The following PI4KA variants were observed in gnomAD, a reference collection of about 807,000 sequenced individuals.
The protein encoded by PI4KA is phosphatidylinositol 4-kinase alpha.
Under a neutral mutation model 271.4 loss-of-function variants are expected in PI4KA, and 122 were observed. That is an observed-to-expected ratio of 0.45 (90% confidence interval 0.39 to 0.52). The LOEUF (loss-of-function observed/expected upper bound fraction) is 0.52. PI4KA is among the 20% of genes least tolerant of loss of function. The pLI is 0.00. For missense variants in PI4KA, 1,969 were observed against 2,769.1 expected, an observed-to-expected ratio of 0.71 and a Z score of 6.48; for synonymous variants, 1,041 against 1,078.8, an observed-to-expected ratio of 0.96 and a Z score of 0.69.
In PI4KA at chr22:20,763,832, T is replaced by C. The variant is rs542106104; in HGVS notation, c.2708+985A>G. 7.9e-5 allele frequency among the ~76,000 whole-genome samples: 12 copies of C among 152,262 alleles called. No homozygotes were observed. The East Asian group carries it at 2.1e-3, about 27-fold the overall frequency. On this transcript the variant is annotated intron_variant, in intron 22 of 54. Coordinates refer to ENST00000255882, the MANE Select transcript of PI4KA (RefSeq NM_058004.4). ...GAGAATGCGTCACTGATTTCCACATTTGGCTGTGTGTGGAGCCCCGGGCTG... is the reference window on the plus strand; with the variant it reads ...GAGAATGCGTCACTGATTTCCACATCTGGCTGTGTGTGGAGCCCCGGGCTG...
intron 19 of PI4KA, among the ~76,000 whole-genome samples, chr22:20,769,257 T>C (rs781077546): frequency 3.3e-5 from 5 of 152,184 alleles, no homozygotes; most frequent in Admixed American, 1.3e-4. Flanking sequence ...CTTGAGGACG[T>C]TGGCTTGAAA....
intron 22 of PI4KA, among the ~76,000 whole-genome samples, chr22:20,763,436 CTTTT>C (rs918780172): frequency 3.7e-4 from 55 of 148,678 alleles, no homozygotes; most frequent in African/African-American, 1.3e-3. Context: ...GTGCAATGTT[CTTTT>C]TTTCTTTTTT....
chr22:20,753,799 G>C (rs1372401820), intron 23 of PI4KA, among the ~76,000 whole-genome samples: 1 of 152,010 alleles, frequency 6.6e-6, no homozygotes, highest in African/African-American at 2.4e-5. Context: ...CCATTCTCCT[G>C]CCTCAGCCTC....
Position 20,747,744 on chromosome 22 carries a change from A to AT in PI4KA, c.3244-43dup, listed in dbSNP as rs767356874. 6.9e-6 allele frequency: 11 copies of AT among 1,596,046 alleles called. No homozygotes were observed. The East Asian group carries it at 1.8e-4, about 26-fold the overall frequency. On this transcript the variant is annotated intron_variant, in intron 28 of 54. Transcript: ENST00000255882. ...ACATGGGGTTTCAGTTATTTATCTG[A>AT]TTTTTTTAGAGGCAGGGTCTCGCTC... is the stretch of plus-strand genomic sequence containing the variant.
chr22:20,851,665 C>T (rs1926996112), intron 1 of PI4KA, among the ~76,000 whole-genome samples: 2 of 152,088 alleles, frequency 1.3e-5, no homozygotes, highest in Non-Finnish European at 2.9e-5. Flanking sequence ...TCCAGGCTTC[C>T]AGATAAGCTT....
intron 19 of PI4KA, among the ~76,000 whole-genome samples, chr22:20,770,439 G>A (rs1410181369): frequency 6.7e-6 from 1 of 150,190 alleles, no homozygotes; most frequent in Non-Finnish European, 1.5e-5. Flanking sequence ...CTTGAACCCA[G>A]GAGGCAGAGG....
Position 20,779,544 on chromosome 22 carries a change from G to A in PI4KA, c.2328+13649C>T, listed in dbSNP as rs567081979. ...GATTCCAGAGGGGGAGGAGGACGAC[G>A]ACTATCTGGACCTGGAGAAGATATT... On this transcript the variant is annotated intron_variant, in intron 19 of 54. Transcript: ENST00000255882. 23 of 1,614,036 alleles carry A rather than the reference G, an allele frequency of 1.4e-5. No individual in the cohort carries two copies. In the South Asian group the frequency reaches 1.8e-4, roughly 12 times the overall value.
chr22:20,834,725 A>G, intron 2 of PI4KA, 70 bp from the exon 3 acceptor site: 1 of 955,734 alleles, frequency 1.0e-6, no homozygotes, highest in Non-Finnish European at 1.7e-6. Flanking sequence ...TTTAGCCCAG[A>G]TTAAGCCCAA....
At chr22:20,783,864 G>A (rs1933991445) in intron 19 of PI4KA, 1 of 1,475,090 alleles carries the variant, frequency 6.8e-7, no homozygotes, top group Non-Finnish European at 9.5e-7. Context: ...GGTCGGCTCT[G>A]CAGGCTATCT....
At chr22:20,752,803 T>C in intron 25 of PI4KA, 100 bp downstream of exon 25, 1 of 1,302,906 alleles carries the variant, frequency 7.7e-7, no homozygotes, top group South Asian at 1.3e-5. Context: ...TGACTCCATT[T>C]TTTCCTAGAT....
intron 42 of PI4KA, chr22:20,725,794 G>A: frequency 3.4e-6 from 1 of 292,044 alleles, no homozygotes; most frequent in Admixed American, 3.9e-5. Flanking sequence ...TACTTGGGAG[G>A]GGTAGCGGGG....
chr22:20,764,906 G>T lies in PI4KA; in HGVS notation c.2619C>A (p.Asp873Glu). The T allele has an allele frequency of 1.9e-6, 3 of 1,613,466 alleles. No homozygotes were observed. The highest frequency in any genetic ancestry group is 2.7e-5 in the African/African-American group (2 of 75,022). ...ELRSTIINLL[D>E]PPPEVSALIN... is the part of the protein sequence containing the mutation. ...TGAGTGCGGACACCTCGGGAGGGGG[G>T]TCCAGCAGGTTGATGATAGTGCTGC... The change falls in exon 22 of 55, where the codon GAC (aspartate) becomes GAA (glutamate). Residue 873 changes from aspartate to glutamate, a missense_variant. Physicochemically the swap from Asp to Glu is conservative, Grantham distance 45 (BLOSUM62 2). This residue lies in a region of PI4KA where 368 missense variants were observed against 544.3 expected (regional missense o/e 0.68). Coordinates refer to ENST00000255882, the MANE Select transcript of PI4KA (RefSeq NM_058004.4).
intron 4 of PI4KA, among the ~76,000 whole-genome samples, chr22:20,823,911 G>T (rs1923039532): frequency 6.6e-6 from 1 of 152,088 alleles, no homozygotes; most frequent in African/African-American, 2.4e-5. Flanking sequence ...CTGCACTCCA[G>T]CCTGGATGAC....
chr22:20,763,017 T>TG lies in PI4KA; in HGVS notation c.2709-1632dup, dbSNP rs1227387739. On this transcript the variant is annotated intron_variant, in intron 22 of 54. Transcript: ENST00000255882. ...GGCTAGGTTTTTTTGCTTTTTTTTT[T>TG]GGGGGGGGGGGGGGTTAGAGACAAG... Among the ~76,000 whole-genome samples, 358 of 52,132 alleles carry TG rather than the reference T, an allele frequency of 6.9e-3. 3 individuals are homozygous for TG. Among genetic ancestry groups the TG allele is most frequent in the Middle Eastern group, 0.015 (1 of 68 alleles). 34.2% of individuals were successfully genotyped at this position (52,132 alleles called of 152,430 possible). A position where few individuals can be genotyped will look rare whatever the true frequency, so the allele number is the denominator to read the frequency against.
intron 3 of PI4KA, among the ~76,000 whole-genome samples, chr22:20,831,670 T>G (rs1924194629): frequency 6.6e-6 from 1 of 152,196 alleles, no homozygotes; most frequent in Non-Finnish European, 1.5e-5. Context: ...CTTGTAGAGT[T>G]TCTGCTAAAA....
Position 20,858,777 on chromosome 22 carries a change from G to C in PI4KA, c.-52C>G. ...CCGGCTCCCCGCTCCTGGCCCGCGA[G>C]CGCCCGACCTCAGGGCGCAGGCGTA... On this transcript the variant is annotated 5_prime_UTR_variant, in exon 1 of 55. Transcript: ENST00000255882. The C allele has an allele frequency of 7.3e-7, 1 of 1,367,136 alleles. No individual in the cohort carries two copies. 84.7% of individuals were successfully genotyped at this position (1,367,136 alleles called of 1,614,324 possible).
chr22:20,774,114 T>G (rs543708648), intron 19 of PI4KA: 19 of 152,222 alleles, frequency 1.2e-4, no homozygotes, highest in Non-Finnish European at 1.9e-4. Flanking sequence ...GCTGCTTTCA[T>G]CTCTGAAGCG....
chr22:20,807,452 G>C lies in PI4KA; in HGVS notation c.1078C>G (p.Pro360Ala). The C allele has an allele frequency of 6.2e-7, 1 of 1,608,028 alleles. No individual in the cohort carries two copies. Residue 360 changes from proline to alanine, a missense_variant, in exon 10 of 55, where the codon CCC becomes GCC. Physicochemically the swap from Pro to Ala is conservative, Grantham distance 27 (BLOSUM62 -1). This residue lies in a region of PI4KA where 540 missense variants were observed against 555.5 expected (regional missense o/e 0.97). Transcript: ENST00000255882. ...AIVASVMEAN[P>A]SADLYYTSFS... ...GAAGTGTAGTAGAGATCAGCACTGGGGTTGGCCTGCAGGGAAGGCAGACAC... is the reference window on the plus strand; with the variant it reads ...GAAGTGTAGTAGAGATCAGCACTGGCGTTGGCCTGCAGGGAAGGCAGACAC...
chr22:20,804,464 T>A, intron 11 of PI4KA, 64 bp from the exon 12 acceptor site: 1 of 1,096,260 alleles, frequency 9.1e-7, no homozygotes, highest in South Asian at 1.2e-5. Context: ...AACACACTTA[T>A]CCACCAAGTA....
Sources: allele counts gnomAD v4.1 joint callset (sites outside exome capture counted in the v4.1 genomes callset), GRCh38; gene constraint gnomAD v4.1.1; regional missense constraint gnomAD v4.1.1; transcripts MANE v1.5; gene names NCBI Gene and HGNC (gene_info 2026-07-23, HGNC 2026-07-21).